DHX37: variants seen among roughly 807,000 people sequenced by gnomAD.
DHX37 encodes the protein DEAH-box helicase 37.
A neutral mutation model predicts 134.3 loss-of-function variants in DHX37; 52 were observed. That is an observed-to-expected ratio of 0.39 (90% CI 0.31 to 0.49). The LOEUF (loss-of-function observed/expected upper bound fraction) is 0.49. Among genes scored for constraint, DHX37 ranks in the 20% least tolerant of loss-of-function variants. DHX37 has a pLI of 0.93. For synonymous variants in DHX37, 634 were observed against 670.7 expected (o/e 0.95, Z 0.85); for missense variants, 1,344 against 1,580.8 (o/e 0.85, Z 2.54).
At chr12:124,951,138 G>A (rs901770454) in intron 21 of DHX37, among the ~76,000 whole-genome samples, 1 of 152,120 alleles carries the variant, frequency 6.6e-6, no homozygotes, top group Non-Finnish European at 1.5e-5. Flanking sequence ...AAAATTAACT[G>A]GGCATGGTGG....
intron 2 of DHX37, 63 bp downstream of exon 2, chr12:124,986,033 G>C (rs2135974601): frequency 6.3e-7 from 1 of 1,588,492 alleles, no homozygotes. Context: ...CAGGAGGAGA[G>C]AGACCCCCCA....
intron 1 of DHX37, among the ~76,000 whole-genome samples, chr12:124,987,993 T>C (rs946054846): frequency 2.1e-5 from 3 of 144,456 alleles, no homozygotes; most frequent in African/African-American, 7.8e-5. Flanking sequence ...GGAACTTTTT[T>C]TTTTTTTTTT....
chr12:124,963,878 CAAAAAAAAAAAAAA>C (rs71092251), intron 15 of DHX37, among the ~76,000 whole-genome samples: 52,034 of 92,310 alleles, frequency 0.56, 10,362 homozygotes, highest in East Asian at 0.72. Context: ...AGACTCGTCT[CAAAAAAAAAAAAAA>C]AAAAAAAAAA....
rs372317287 is a variant in DHX37, at chr12:124,968,963, G to T, written c.1197C>A (p.Asn399Lys). The change falls in exon 9 of 27, where the codon AAC becomes AAA. Residue 399 changes from asparagine to lysine, a missense_variant. Physicochemically the swap from Asn to Lys is moderately conservative, Grantham distance 94 (BLOSUM62 0). Coordinates refer to ENST00000308736, the MANE Select transcript of DHX37 (RefSeq NM_032656.4). ...ACATGATGAGCAGCTTGAGTGGCAG[G>T]TTCCTCTGCAAAAGGACAGGCTCAG... ...SRIVTLRAKR[N>K]LPLKLLIMSA... The T allele has an allele frequency of 5.8e-5, 93 of 1,613,532 alleles. No individual in the cohort carries two copies. The highest frequency in any genetic ancestry group is 7.6e-5 in the Non-Finnish European group (90 of 1,179,906).
chr12:124,976,844 TAAAAAGA>T (rs1167088541), intron 5 of DHX37, among the ~76,000 whole-genome samples: 8 of 118,758 alleles, frequency 6.7e-5, no homozygotes, highest in African/African-American at 2.3e-4. Flanking sequence ...ATAATAATAA[TAAAAAGA>T]AAAAAGAAAA....
Position 124,980,277 on chromosome 12 carries a change from G to A in DHX37, c.738+213C>T, listed in dbSNP as rs1328904563. On this transcript the variant is annotated intron_variant, in intron 4 of 26. Transcript: ENST00000308736. The surrounding 1 kb of genome is among the most constrained non-coding windows in gnomAD (Gnocchi z 5.3). ...GACCTCCAGGGCCCCGAGCCTGCCA[G>A]GCGTGCCGCCAGACACCCGCCCTGC... 6.6e-6 allele frequency among the ~76,000 whole-genome samples: 1 copy of A among 152,250 alleles called. No homozygotes were observed. Among genetic ancestry groups the A allele is most frequent in the Non-Finnish European group, 1.5e-5 (1 of 68,030 alleles).
Position 124,980,688 on chromosome 12 carries a change from G to A in DHX37, c.540C>T (p.Asp180=), listed in dbSNP as rs78350183. ...CAGCCGGCTCAGCAGCTGGGTCCTC[G>A]TCCAGCTCCGACTCCTCCTCCAGCT... The part of the protein sequence containing the change: ...ESELEEESEL[D]EDPAAEPAEA... Residue 180 remains aspartate (D), a synonymous_variant, in exon 4 of 27, where the codon GAC becomes GAT. Transcript: ENST00000308736. This position sits in a 1 kb window ranked among gnomAD's most constrained non-coding sequence, Gnocchi z 5.3. 30 of 1,580,048 alleles carry A rather than the reference G, an allele frequency of 1.9e-5. No individual in the cohort carries two copies. In the South Asian group the frequency reaches 2.4e-4, roughly 13 times the overall value.
At position 124,975,312 on chromosome 12, in the gene DHX37, C is replaced by G. The variant is rs913343462; in HGVS notation, c.980+107G>C. ...TGCTACATGCAGAGGTGACACTCCA[C>G]CCAGCACCCTCGGCACAGATGCTGC... On this transcript the variant is annotated intron_variant, in intron 6 of 26. Coordinates refer to ENST00000308736, the MANE Select transcript of DHX37 (RefSeq NM_032656.4). 4.3e-6 allele frequency: 5 copies of G among 1,172,194 alleles called. No individual in the cohort carries two copies. In the African/African-American group the frequency reaches 7.5e-5, roughly 18 times the overall value. The allele number at this position is 1,172,194 out of a possible 1,614,324, so 72.6% of individuals were successfully genotyped here.
intron 20 of DHX37, chr12:124,953,487 A>G: frequency 5.3e-6 from 1 of 187,426 alleles, no homozygotes; most frequent in Non-Finnish European, 1.1e-5. Flanking sequence ...TGGTGGCAGG[A>G]AGTATTTGTG....
In DHX37 at chr12:124,964,437, G is replaced by A. The variant is rs1167023249; in HGVS notation, c.2002C>T (p.Arg668Ter). Reference sequence around the variant, plus strand: ...TCCGTCCGTCCTGCTCTGCCCGCTCGCTGGTCAGCTGATGCCTGGGAGACC... The same window carrying A: ...TCCGTCCGTCCTGCTCTGCCCGCTCACTGGTCAGCTGATGCCTGGGAGACC... ...TWVSQASADQ[R>*]AGRAGRTEPG... Residue 668 changes from arginine (R) to a stop codon, truncating the protein, a stop_gained, in exon 15 of 27, where the codon CGA (arginine) becomes TGA (stop). Transcript: ENST00000308736. LOFTEE classifies it high-confidence loss of function. 3.1e-6 allele frequency: 5 copies of A among 1,614,120 alleles called. No individual in the cohort carries two copies. The highest frequency in any genetic ancestry group is 2.2e-5 in the East Asian group (1 of 44,888).
chr12:124,956,489 T>C (rs560042181), intron 18 of DHX37, among the ~76,000 whole-genome samples: 16 of 152,322 alleles, frequency 1.1e-4, no homozygotes, highest in Admixed American at 3.3e-4. Flanking sequence ...TTAGTGTCAC[T>C]TTTCTTTTTC....
At chr12:124,965,532 G>A in intron 13 of DHX37, 136 bp downstream of exon 13, 5 of 1,369,192 alleles carry the variant, frequency 3.7e-6, no homozygotes, top group Middle Eastern at 2.7e-4. Context: ...CCTCGTGCCA[G>A]GCAGTTTCAA....
chr12:124,984,457 C>G (rs983651161), intron 2 of DHX37, among the ~76,000 whole-genome samples: 1 of 151,976 alleles, frequency 6.6e-6, no homozygotes, highest in African/African-American at 2.4e-5. Flanking sequence ...CACTTGAACC[C>G]GGGAGGTGGA....
In DHX37 at chr12:124,982,711, A is replaced by G. The variant is rs1046671804; in HGVS notation, c.277-88T>C. On this transcript the variant is annotated intron_variant, in intron 2 of 26. Transcript: ENST00000308736. ...GAGACTGTAATAAAATTTCAGCATC[A>G]TTAACACCTGGAGTCTTTAAAATCG... 3 of 1,541,972 alleles carry G rather than the reference A, an allele frequency of 1.9e-6. No individual in the cohort carries two copies. The African/African-American group carries it at 4.1e-5, about 21-fold the overall frequency.
chr12:124,979,880 G>A (rs961922757), intron 4 of DHX37, among the ~76,000 whole-genome samples: 1 of 152,202 alleles, frequency 6.6e-6, no homozygotes, highest in African/African-American at 2.4e-5. Context: ...TTACCCTGAT[G>A]AAGACTTATA....
Position 124,950,449 on chromosome 12 carries a change from G to C in DHX37, c.3085C>G (p.Arg1029Gly). The change falls in exon 23 of 27, where the codon CGG becomes GGG. Residue 1029 changes from arginine (R) to glycine (G), a missense_variant. By Grantham distance (125) the Arg-to-Gly change is moderately radical. This residue lies in a region of DHX37 where 558 missense variants were observed against 650.0 expected (regional missense o/e 0.86). Transcript: ENST00000308736. ...EEPAPTYCPE[R>G]GRVLCHRASV... Reference sequence around the variant, plus strand: ...GCCCGGTGACACAGCACCCGCCCCCGCTCGGGGCAGTATGTAGGGGCTGGT... The same window carrying C: ...GCCCGGTGACACAGCACCCGCCCCCCCTCGGGGCAGTATGTAGGGGCTGGT... The C allele has an allele frequency of 8.8e-6, 14 of 1,591,164 alleles. No homozygotes were observed. Among genetic ancestry groups the C allele is most frequent in the Non-Finnish European group, 1.2e-5 (14 of 1,168,066 alleles).
At chr12:124,964,830 A>T in intron 14 of DHX37, 100 bp downstream of exon 14, 1 of 1,444,616 alleles carries the variant, frequency 6.9e-7, no homozygotes, top group Non-Finnish European at 9.3e-7. Context: ...GGGGATGCTG[A>T]TCAAACAGCA....
chr12:124,952,142 G>A (rs912865482), intron 21 of DHX37, among the ~76,000 whole-genome samples: 4 of 152,156 alleles, frequency 2.6e-5, no homozygotes, highest in Middle Eastern at 3.4e-3. Context: ...GCGAGACCTT[G>A]TTTCTAGAAA....
rs778888380 is a variant in DHX37 at position 124,966,854 on chromosome 12, G to A, written c.1529C>T (p.Ser510Leu). Reference sequence around the variant, plus strand: ...CTTAAACTTCCGCATTTCCTCCACCGAGTCTTTCTGATCGTCGTCCTTTTC... The same window carrying A: ...CTTAAACTTCCGCATTTCCTCCACCAAGTCTTTCTGATCGTCGTCCTTTTC... ...PQEKDDDQKD[S>L]VEEMRKFKKS... The change falls in exon 12 of 27, where the codon TCG becomes TTG. Residue 510 changes from serine to leucine, a missense_variant. By Grantham distance (145) the Ser-to-Leu change is moderately radical (BLOSUM62 -2). Transcript: ENST00000308736. 1.8e-5 allele frequency: 29 copies of A among 1,614,124 alleles called. No individual in the cohort carries two copies. The highest frequency in any genetic ancestry group is 2.2e-5 in the Non-Finnish European group (26 of 1,180,060).
Sources: gnomAD v4.1 joint callset for allele counts (sites outside exome capture counted in the v4.1 genomes callset) on GRCh38, gnomAD v4.1.1 for gene constraint, gnomAD v4.1.1 regional missense constraint, Gnocchi (gnomAD v3.1) non-coding constraint, MANE v1.5 for transcripts, NCBI Gene and HGNC (gene_info 2026-07-23, HGNC 2026-07-21) for gene names.